The following XDH variants were observed in gnomAD, a reference collection of about 807,000 sequenced individuals.
The protein encoded by XDH is xanthine dehydrogenase/oxidase.
XDH carries 138 observed loss-of-function variants against 156.1 expected under a neutral mutation model. The observed-to-expected ratio is 0.88, with a 90% CI of 0.77 to 1.02. XDH has a LOEUF of 1.02. XDH is among the 50% of genes least tolerant of loss of function. The pLI, the probability that XDH is intolerant of heterozygous loss-of-function variation, is 0.00. For missense variants in XDH, 1,849 were observed against 1,684.9 expected (o/e 1.10, Z -1.71); for synonymous variants, 669 against 625.7 (o/e 1.07, Z -1.03).
At position 31,350,139 on chromosome 2, in the gene XDH, G is replaced by C. The variant is rs767431000; in HGVS notation, c.2716C>G (p.Leu906Val). The change falls in exon 25 of 36, where the codon CTT becomes GTT. Residue 906 changes from leucine (L) to valine (V), a missense_variant. By Grantham distance (32) the Leu-to-Val change is conservative (BLOSUM62 1). Transcript: ENST00000379416. ...CCCCGGAAGGCCGTGTTGGAGGGAA[G>C]GTTGGTTTTGCACAGCCGCCCAGTG... ...RGTGRLCKTNLPSNTAFRGFG... is the reference protein window; with the variant it reads ...RGTGRLCKTNVPSNTAFRGFG... 6.2e-7 allele frequency: 1 copy of C among 1,614,204 alleles called. No homozygotes were observed. The highest frequency in any genetic ancestry group is 8.5e-7 in the Non-Finnish European group (1 of 1,180,042).
At chr2:31,408,058 GACC>G (rs1159123769) in intron 1 of XDH, among the ~76,000 whole-genome samples, 1 of 152,008 alleles carries the variant, frequency 6.6e-6, no homozygotes, top group African/African-American at 2.4e-5. Context: ...TGCTTTTCAT[GACC>G]ACCCACATAT....
At chr2:31,373,614 TAA>T (rs796871847) in intron 16 of XDH, among the ~76,000 whole-genome samples, 1 of 144,964 alleles carries the variant, frequency 6.9e-6, no homozygotes. Flanking sequence ...ATCCATCACG[TAA>T]AAAAAAAAAA....
intron 31 of XDH, among the ~76,000 whole-genome samples, chr2:31,342,554 G>A (rs961798911): frequency 2.6e-5 from 4 of 152,124 alleles, no homozygotes; most frequent in Non-Finnish European, 5.9e-5. Context: ...GCAGTGTTTA[G>A]TACCATGCTA....
chr2:31,413,715 A>G (rs771216310), intron 1 of XDH, among the ~76,000 whole-genome samples: 11 of 152,200 alleles, frequency 7.2e-5, no homozygotes, highest in Admixed American at 1.3e-4. Context: ...CTTTGGGCAC[A>G]TTCATCACGC....
intron 17 of XDH, among the ~76,000 whole-genome samples, chr2:31,371,362 G>A (rs909034385): frequency 1.3e-5 from 2 of 152,198 alleles, no homozygotes; most frequent in Non-Finnish European, 2.9e-5. Context: ...AGGAAGTTAG[G>A]TAGTTTTTCC....
In XDH at chr2:31,346,855, A is replaced by AC. The variant is rs752820043; in HGVS notation, c.3277-13dup. 189 of 1,612,844 alleles carry AC rather than the reference A, an allele frequency of 1.2e-4. No individual in the cohort carries two copies. The highest frequency in any genetic ancestry group is 1.5e-4 in the Non-Finnish European group (182 of 1,179,846). ...GTCTGACAAGCCGCCTAAAGTAAACACCCCCCACACCCCAGACACATCAGT... is the reference window on the plus strand; with the variant it reads ...GTCTGACAAGCCGCCTAAAGTAAACACCCCCCCACACCCCAGACACATCAGT... On this transcript the variant is annotated splice_polypyrimidine_tract_variant and intron_variant, in intron 29 of 35. Transcript: ENST00000379416.
chr2:31,410,644 G>A (rs1687317356), intron 1 of XDH, among the ~76,000 whole-genome samples: 1 of 152,154 alleles, frequency 6.6e-6, no homozygotes, highest in Non-Finnish European at 1.5e-5. Flanking sequence ...AATGCAGTGA[G>A]AAAAACACAT....
At chr2:31,412,046 AC>A (rs1453570603) in intron 1 of XDH, among the ~76,000 whole-genome samples, 1 of 152,094 alleles carries the variant, frequency 6.6e-6, no homozygotes, top group Non-Finnish European at 1.5e-5. Context: ...ACTCCTGGAC[AC>A]CTTTGGCTGC....
At chr2:31,361,206 ACAGCC>A (rs1355536897) in intron 24 of XDH, among the ~76,000 whole-genome samples, 2 of 152,234 alleles carry the variant, frequency 1.3e-5, no homozygotes, top group Non-Finnish European at 2.9e-5. Flanking sequence ...ACTCATCGTA[ACAGCC>A]CAGCAATCTT....
chr2:31,353,922 A>G (rs527959778), intron 24 of XDH, among the ~76,000 whole-genome samples: 4 of 152,276 alleles, frequency 2.6e-5, no homozygotes. Flanking sequence ...ATGGCCAGTC[A>G]TAAGGCTGTA....
At chr2:31,366,402 G>A (rs1189709998) in intron 21 of XDH, among the ~76,000 whole-genome samples, 4 of 151,962 alleles carry the variant, frequency 2.6e-5, no homozygotes, top group Non-Finnish European at 4.4e-5. Context: ...ACCAGCTGCC[G>A]AAAACACTGG....
At chr2:31,398,449 T>A in intron 5 of XDH, 124 bp downstream of exon 5, 5 of 1,551,082 alleles carry the variant, frequency 3.2e-6, no homozygotes, top group Admixed American at 1.7e-5. Context: ...CACCACCTTG[T>A]TGGGGGGCCT....
At position 31,389,949 on chromosome 2, in the gene XDH, C is replaced by A. The variant is rs1008028274; in HGVS notation, c.496-1654G>T. Among the ~76,000 whole-genome samples, 35 of 152,142 alleles carry A rather than the reference C, an allele frequency of 2.3e-4. 1 individual carries two copies. Among genetic ancestry groups the A allele is most frequent in the African/African-American group, 7.0e-4 (29 of 41,414 alleles). On this transcript the variant is annotated intron_variant, in intron 6 of 35. Coordinates refer to ENST00000379416, the MANE Select transcript of XDH (RefSeq NM_000379.4). ...CCCTATCCCAACATACACGCACAAC[C>A]TTTCTCACTTCAGTATCCTCAAAAG...
rs372889724 is a variant in XDH, at chr2:31,372,218, T to C, written c.1856+10A>G. 104 of 1,614,048 alleles carry C rather than the reference T, an allele frequency of 6.4e-5. No homozygotes were observed. Among genetic ancestry groups the C allele is most frequent in the Admixed American group, 8.3e-5 (5 of 59,994 alleles). On this transcript the variant is annotated intron_variant, in intron 17 of 35. Coordinates refer to ENST00000379416, the MANE Select transcript of XDH (RefSeq NM_000379.4). The stretch of plus-strand genomic sequence containing the variant: ...GCATTCCACCAGCTCCTCCTGGCGG[T>C]GTCACTCACTTGATCTTGGCGTGGG...
intron 11 of XDH, 50 bp from the exon 12 acceptor site, chr2:31,381,776 G>C: frequency 6.5e-7 from 1 of 1,538,150 alleles, no homozygotes; most frequent in Non-Finnish European, 8.9e-7. Context: ...GGAAACCCCT[G>C]CTCACGTAGC....
chr2:31,414,576 C>T, intron 1 of XDH, 49 bp downstream of exon 1: 1 of 1,610,642 alleles, frequency 6.2e-7, no homozygotes, highest in Non-Finnish European at 8.5e-7. Context: ...GGACACATTT[C>T]CCCTCCCAGG....
At chr2:31,336,621 A>G (rs1684976150) in intron 35 of XDH, among the ~76,000 whole-genome samples, 1 of 151,248 alleles carries the variant, frequency 6.6e-6, no homozygotes, top group East Asian at 2.0e-4. Flanking sequence ...CGGTCTGTGT[A>G]GTTCTCACTC....
chr2:31,398,348 T>C lies in XDH; in HGVS notation c.433+225A>G, dbSNP rs369450062. ...AAGGCAGACAGACACCTCAGAAATA[T>C]GGACACAAAGGCAGGAGACCCCAGG... On this transcript the variant is annotated intron_variant, in intron 5 of 35. Transcript: ENST00000379416. Among the ~76,000 whole-genome samples, 197 of 152,290 alleles carry C rather than the reference T, an allele frequency of 1.3e-3. 2 individuals are homozygous for C. The South Asian group carries it at 0.039, about 30-fold the overall frequency.
chr2:31,385,344 T>G (rs754098313), intron 9 of XDH, among the ~76,000 whole-genome samples: 1 of 152,212 alleles, frequency 6.6e-6, no homozygotes. Context: ...GCTGCCTCAG[T>G]GTGTCACAAA....
Sources: allele counts gnomAD v4.1 joint callset (sites outside exome capture counted in the v4.1 genomes callset), GRCh38; gene constraint gnomAD v4.1.1; transcripts MANE v1.5; gene names NCBI Gene and HGNC (gene_info 2026-07-23, HGNC 2026-07-21).